Variants in CHMP3 observed in about 807,000 individuals in gnomAD.
The protein encoded by CHMP3 is charged multivesicular body protein 3.
In CHMP3, 8 loss-of-function variants were observed where a neutral mutation model predicts 27.4. The ratio of observed to expected loss-of-function variants is 0.29; its 90% CI spans 0.17 to 0.53. The LOEUF (loss-of-function observed/expected upper bound fraction) is 0.53, where lower values mean the gene tolerates loss of function less well. Among genes scored for constraint, CHMP3 ranks in the 20% least tolerant of loss-of-function variants. The probability of loss-of-function intolerance (pLI) is 0.96; values close to 1 mark genes in which losing one functional copy is unlikely to be tolerated. For synonymous variants in CHMP3, 86 were observed against 85.5 expected, an observed-to-expected ratio of 1.01 and a Z score of -0.03; for missense variants, 208 against 271.5, an observed-to-expected ratio of 0.77 and a Z score of 1.64.
intron 4 of CHMP3, 27 bp from the exon 5 acceptor site, chr2:86,507,620 G>T: frequency 6.3e-7 from 1 of 1,598,982 alleles, no homozygotes; most frequent in South Asian, 1.1e-5. Flanking sequence ...TGTCACTTCG[G>T]TCAACTGTTA....
intron 1 of CHMP3, among the ~76,000 whole-genome samples, chr2:86,559,138 G>T (rs1245414303): frequency 1.3e-5 from 2 of 152,140 alleles, no homozygotes; most frequent in African/African-American, 4.8e-5. Flanking sequence ...CAATGTAAGT[G>T]GGCACCATCC....
chr2:86,546,474 G>C (rs190987590), intron 1 of CHMP3, among the ~76,000 whole-genome samples: 129 of 145,442 alleles, frequency 8.9e-4, no homozygotes, highest in Non-Finnish European at 1.6e-3. Flanking sequence ...TTTCGCTCTT[G>C]TTGGCCAGGC....
intron 1 of CHMP3, among the ~76,000 whole-genome samples, chr2:86,549,227 G>A (rs530127047): frequency 2.5e-4 from 37 of 148,940 alleles, no homozygotes; most frequent in African/African-American, 8.7e-4. Context: ...AGACAGGGCG[G>A]CCGGGCAGAG....
intron 3 of CHMP3, among the ~76,000 whole-genome samples, chr2:86,514,629 T>A (rs1675226694): frequency 6.6e-6 from 1 of 152,164 alleles, no homozygotes; most frequent in Admixed American, 6.5e-5. Flanking sequence ...AACAATATGT[T>A]GAATGCATAG....
At chr2:86,549,714 G>C (rs1423169970) in intron 1 of CHMP3, among the ~76,000 whole-genome samples, 2 of 144,004 alleles carry the variant, frequency 1.4e-5, no homozygotes, top group African/African-American at 5.2e-5. Flanking sequence ...CTCCCAGATG[G>C]GGCGGCCGGG....
chr2:86,539,252 C>T (rs1206433329), intron 2 of CHMP3, among the ~76,000 whole-genome samples: 1 of 152,120 alleles, frequency 6.6e-6, no homozygotes, highest in Non-Finnish European at 1.5e-5. Context: ...GTGCCCCATC[C>T]CCTTTTTTGG....
At chr2:86,545,525 C>A (rs1159041505) in intron 1 of CHMP3, among the ~76,000 whole-genome samples, 1 of 85,010 alleles carries the variant, frequency 1.2e-5, no homozygotes, top group African/African-American at 4.2e-5. Flanking sequence ...AGAGGCGCTC[C>A]TCACTTCCCA....
intron 3 of CHMP3, among the ~76,000 whole-genome samples, chr2:86,528,861 C>G (rs1441243476): frequency 6.6e-6 from 1 of 152,118 alleles, no homozygotes; most frequent in Non-Finnish European, 1.5e-5. Context: ...AACATTTTGC[C>G]TGGGGCTGCT....
In CHMP3 at chr2:86,542,313, C is replaced by T; in HGVS notation, c.46-1G>A. ...TTATCTTCAATGACCACTCATTGAC[C>T]TGGGAAAATTTTTAGAAAAGGAATG... On this transcript the variant is annotated splice_acceptor_variant, in intron 1 of 5. Coordinates refer to ENST00000263856, the MANE Select transcript of CHMP3 (RefSeq NM_016079.4). LOFTEE classifies it high-confidence loss of function. The T allele has an allele frequency of 1.2e-6, 2 of 1,612,984 alleles. No homozygotes were observed. Among genetic ancestry groups the T allele is most frequent in the Non-Finnish European group, 1.7e-6 (2 of 1,179,400 alleles).
chr2:86,550,116 C>T (rs1676840272), intron 1 of CHMP3, among the ~76,000 whole-genome samples: 1 of 152,222 alleles, frequency 6.6e-6, no homozygotes, highest in Admixed American at 6.5e-5. Context: ...GAGACTCCGT[C>T]TGCAATCCCA....
chr2:86,546,193 G>A (rs996994092), intron 1 of CHMP3, among the ~76,000 whole-genome samples: 23 of 152,128 alleles, frequency 1.5e-4, no homozygotes, highest in African/African-American at 5.6e-4. Context: ...AAACCCCGTC[G>A]TCTCCACCAG....
rs1052116585 is a variant in CHMP3 at position 86,503,867 on chromosome 2, A to G, written c.*1937T>C. Reference sequence around the variant, plus strand: ...ATAGGAACAGGAAACCAAATATTCCATGTTCTCACAAGTGGGAGTGAAATA... The same window carrying G: ...ATAGGAACAGGAAACCAAATATTCCGTGTTCTCACAAGTGGGAGTGAAATA... On this transcript the variant is annotated 3_prime_UTR_variant, in exon 6 of 6. Coordinates refer to ENST00000263856, the MANE Select transcript of CHMP3 (RefSeq NM_016079.4). The G allele has an allele frequency of 6.6e-6, 1 of 152,240 alleles. No homozygotes were observed. The highest frequency in any genetic ancestry group is 2.4e-5 in the African/African-American group (1 of 41,466). 9.4% of individuals were successfully genotyped at this position (152,240 alleles called of 1,614,324 possible). A position where few individuals can be genotyped will look rare whatever the true frequency, so the allele number is the denominator to read the frequency against.
At chr2:86,552,762 T>C (rs1676960424) in intron 1 of CHMP3, among the ~76,000 whole-genome samples, 4 of 152,202 alleles carry the variant, frequency 2.6e-5, no homozygotes, top group Admixed American at 1.3e-4. Flanking sequence ...AACCTGGATC[T>C]TATCAAACTT....
chr2:86,541,604 C>T (rs1313477193), intron 2 of CHMP3, among the ~76,000 whole-genome samples: 2 of 152,140 alleles, frequency 1.3e-5, no homozygotes, highest in African/African-American at 4.8e-5. Flanking sequence ...CAACCCTGTA[C>T]TGCCAGCTGC....
At chr2:86,559,114 G>C (rs1677246344) in intron 1 of CHMP3, among the ~76,000 whole-genome samples, 1 of 152,200 alleles carries the variant, frequency 6.6e-6, no homozygotes, top group South Asian at 2.1e-4. Context: ...AACTAAAGAA[G>C]ATCAGCCCCC....
intron 3 of CHMP3, among the ~76,000 whole-genome samples, chr2:86,525,948 A>C (rs1306837707): frequency 6.6e-6 from 1 of 152,172 alleles, no homozygotes; most frequent in Non-Finnish European, 1.5e-5. Context: ...ATTTAAAGGC[A>C]TGGGGTTAGA....
intron 1 of CHMP3, among the ~76,000 whole-genome samples, 186 bp from the exon 2 acceptor site, chr2:86,542,498 C>T (rs1409210246): frequency 6.6e-6 from 1 of 152,116 alleles, no homozygotes; most frequent in African/African-American, 2.4e-5. Flanking sequence ...TCACAGTGCA[C>T]AGGAGTTTTA....
intron 1 of CHMP3, 82 bp downstream of exon 1, chr2:86,563,222 G>A (rs759442769): frequency 3.3e-6 from 5 of 1,528,992 alleles, no homozygotes; most frequent in African/African-American, 1.4e-5. Flanking sequence ...AGGCGGTGGG[G>A]AGAAGAGTGT....
intron 3 of CHMP3, among the ~76,000 whole-genome samples, chr2:86,518,623 T>A (rs900711632): frequency 2.0e-5 from 3 of 152,128 alleles, no homozygotes; most frequent in African/African-American, 7.2e-5. Flanking sequence ...GTAATTCTTT[T>A]GTTGGAGGCA....
Sources: gnomAD v4.1 joint callset for allele counts (sites outside exome capture counted in the v4.1 genomes callset) on GRCh38, gnomAD v4.1.1 for gene constraint, MANE v1.5 for transcripts, NCBI Gene and HGNC (gene_info 2026-07-23, HGNC 2026-07-21) for gene names.